Variants in SND1 observed in about 807,000 individuals in gnomAD.
The protein encoded by SND1 is staphylococcal nuclease and tudor domain containing 1.
A neutral mutation model predicts 121.7 loss-of-function variants in SND1; 38 were observed. The ratio of observed to expected loss-of-function variants is 0.31; its 90% CI spans 0.24 to 0.41. The LOEUF is 0.41. Ranked by LOEUF, SND1 falls within the 10% of genes least tolerant of loss-of-function variation. SND1 has a pLI of 1.00. For synonymous variants in SND1, 401 were observed against 447.4 expected (o/e 0.90, Z 1.31); for missense variants, 868 against 1,184.6 (o/e 0.73, Z 3.92).
intron 12 of SND1, among the ~76,000 whole-genome samples, chr7:127,850,639 A>G (rs943354491): frequency 5.3e-5 from 8 of 152,114 alleles, no homozygotes; most frequent in African/African-American, 1.9e-4. Flanking sequence ...GTTTTTTTCC[A>G]CTTAAATCAG....
chr7:127,671,014 A>G (rs1795506237), intron 1 of SND1, among the ~76,000 whole-genome samples: 2 of 152,198 alleles, frequency 1.3e-5, no homozygotes, highest in African/African-American at 4.8e-5. Context: ...CAGTGCATGG[A>G]TCACACAGAA....
At position 127,662,283 on chromosome 7, in the gene SND1, G is replaced by C. The variant is rs140659398; in HGVS notation, c.78+9832G>C. Among the ~76,000 whole-genome samples the C allele has an allele frequency of 3.0e-4, 45 of 152,228 alleles. No homozygotes were observed. The East Asian group carries it at 8.7e-3, about 29-fold the overall frequency. On this transcript the variant is annotated intron_variant, in intron 1 of 23. Coordinates refer to ENST00000354725, the MANE Select transcript of SND1 (RefSeq NM_014390.4). Reference sequence around the variant, plus strand: ...AAACTGAAATAGGGTCAATCTCTATGTGTCTGGCAATTTTCTTTTTTTAGT... The same window carrying C: ...AAACTGAAATAGGGTCAATCTCTATCTGTCTGGCAATTTTCTTTTTTTAGT...
chr7:128,079,104 G>A lies in SND1; in HGVS notation c.1969-2256G>A, dbSNP rs151278730. On this transcript the variant is annotated intron_variant, in intron 17 of 23. Transcript: ENST00000354725. ...CCCACTGATCCTCAGAGCTGCAAGC[G>A]TCCCAGAAGGGCTGGGAGCCCAGGT... Among the ~76,000 whole-genome samples, 207 of 152,362 alleles carry A rather than the reference G, an allele frequency of 1.4e-3. 1 individual carries two copies. In the East Asian group the frequency reaches 0.016, roughly 12 times the overall value.
At chr7:127,691,405 G>T (rs993889937) in intron 2 of SND1, among the ~76,000 whole-genome samples, 2 of 151,646 alleles carry the variant, frequency 1.3e-5, no homozygotes, top group Non-Finnish European at 2.9e-5. Flanking sequence ...TTAACCGGGC[G>T]TGGTGGCATG....
chr7:127,844,296 C>G lies in SND1; in HGVS notation c.1243-28C>G, dbSNP rs142403566. 3 of 1,593,484 alleles carry G rather than the reference C, an allele frequency of 1.9e-6. No individual in the cohort carries two copies. The African/African-American group carries it at 4.0e-5, about 21-fold the overall frequency. On this transcript the variant is annotated intron_variant, in intron 11 of 23. Transcript: ENST00000354725. ...GTGAGCTATGTTGCAGACTCTCAAC[C>G]CTAATTCCCTTGATTCTTTGTTTCC...
At chr7:127,749,774 G>A (rs1404894386) in intron 10 of SND1, among the ~76,000 whole-genome samples, 1 of 152,230 alleles carries the variant, frequency 6.6e-6, no homozygotes, top group African/African-American at 2.4e-5. Flanking sequence ...CTTCAAACAT[G>A]TAGAGTGGTA....
At chr7:127,999,668 T>C (rs1802772400) in intron 16 of SND1, 1 of 152,166 alleles carries the variant, frequency 6.6e-6, no homozygotes, top group South Asian at 2.1e-4. Flanking sequence ...GTGATTGCAA[T>C]TGGGGAATGC....
chr7:128,042,045 G>GCC (rs1792864286), intron 16 of SND1, among the ~76,000 whole-genome samples: 1 of 152,166 alleles, frequency 6.6e-6, no homozygotes, highest in South Asian at 2.1e-4. Flanking sequence ...ATGATGCCTA[G>GCC]ACACTGGCAG....
At chr7:127,929,388 AC>A in intron 15 of SND1, 59 bp downstream of exon 15, 1 of 1,563,100 alleles carries the variant, frequency 6.4e-7, no homozygotes, top group South Asian at 1.1e-5. Context: ...GAAACCACAT[AC>A]CCTCCTTTCC....
chr7:127,908,319 TGTGTGTGTGTGTG>T (rs1246227183), intron 14 of SND1, among the ~76,000 whole-genome samples: 1 of 2,144 alleles, frequency 4.7e-4, no homozygotes, highest in African/African-American at 1.3e-3. Flanking sequence ...TAATAATAAA[TGTGTGTGTGTGTG>T]TGTGTGTGTG....
chr7:127,752,645 G>T (rs937701834), intron 10 of SND1, among the ~76,000 whole-genome samples: 1 of 152,174 alleles, frequency 6.6e-6, no homozygotes, highest in East Asian at 1.9e-4. Context: ...TGTGGACCAG[G>T]CACTCTTTGT....
chr7:128,073,388 C>T (rs1793447588), intron 16 of SND1, among the ~76,000 whole-genome samples: 1 of 152,148 alleles, frequency 6.6e-6, no homozygotes, highest in Non-Finnish European at 1.5e-5. Context: ...CTCAAGGACG[C>T]AGAGGGTATT....
chr7:127,850,541 C>A (rs959694014), intron 12 of SND1, among the ~76,000 whole-genome samples: 4 of 152,140 alleles, frequency 2.6e-5, no homozygotes, highest in African/African-American at 9.7e-5. Flanking sequence ...TGATGACTTA[C>A]GCTTTAATCA....
intron 15 of SND1, among the ~76,000 whole-genome samples, chr7:127,949,904 AT>A (rs1284850184): frequency 2.0e-5 from 3 of 152,138 alleles, no homozygotes; most frequent in Non-Finnish European, 4.4e-5. Flanking sequence ...TGAATAGAAG[AT>A]AAAGAGTGCT....
chr7:127,831,708 C>A (rs1389782214), intron 11 of SND1, among the ~76,000 whole-genome samples: 1 of 152,160 alleles, frequency 6.6e-6, no homozygotes, highest in Non-Finnish European at 1.5e-5. Flanking sequence ...GAAGACCCTG[C>A]TTGTGAGGAG....
chr7:127,929,645 G>C (rs1800920125), intron 15 of SND1, among the ~76,000 whole-genome samples: 1 of 152,166 alleles, frequency 6.6e-6, no homozygotes, highest in Admixed American at 6.5e-5. Flanking sequence ...AATTCTCAGA[G>C]TTGGCCTTCA....
chr7:127,887,331 C>T (rs1177384853), intron 12 of SND1, among the ~76,000 whole-genome samples: 1 of 152,028 alleles, frequency 6.6e-6, no homozygotes, highest in Non-Finnish European at 1.5e-5. Flanking sequence ...CTCCTGCCTG[C>T]CTCTTCTCTC....
At chr7:128,028,830 T>C in intron 16 of SND1, 1 of 1,614,164 alleles carries the variant, frequency 6.2e-7, no homozygotes, top group Non-Finnish European at 8.5e-7. Context: ...GTAGTTAATA[T>C]GGTCATGAAT....
In SND1 at chr7:128,086,929, C is replaced by T. The variant is rs777720893; in HGVS notation, c.2305-9C>T. ...TATGTGACATGTTGGCCTGCTGCTTCCTCTGCAGAGAGAGGTCCTGCCATC... is the reference window on the plus strand; with the variant it reads ...TATGTGACATGTTGGCCTGCTGCTTTCTCTGCAGAGAGAGGTCCTGCCATC... On this transcript the variant is annotated splice_polypyrimidine_tract_variant and intron_variant, in intron 20 of 23. Transcript: ENST00000354725. The T allele has an allele frequency of 6.2e-7, 1 of 1,609,400 alleles. No individual in the cohort carries two copies. The highest frequency in any genetic ancestry group is 8.5e-7 in the Non-Finnish European group (1 of 1,175,850).
Sources: allele counts gnomAD v4.1 joint callset (sites outside exome capture counted in the v4.1 genomes callset), GRCh38; gene constraint gnomAD v4.1.1; transcripts MANE v1.5; gene names NCBI Gene and HGNC (gene_info 2026-07-23, HGNC 2026-07-21).